MAPK4: variants seen among roughly 807,000 people sequenced by gnomAD.
The protein encoded by MAPK4 is mitogen-activated protein kinase 4.
Under a neutral mutation model 47.7 loss-of-function variants are expected in MAPK4, and 22 were observed. That is an observed-to-expected ratio of 0.46 (90% CI 0.33 to 0.66). MAPK4 has a LOEUF of 0.66. Ranked by LOEUF, MAPK4 falls within the 30% of genes least tolerant of loss-of-function variation. The pLI, the probability that MAPK4 is intolerant of heterozygous loss-of-function variation, is 0.02. For synonymous variants in MAPK4, 390 were observed against 365.7 expected, an observed-to-expected ratio of 1.07 and a Z score of -0.76; for missense variants, 736 against 831.7, an observed-to-expected ratio of 0.88 and a Z score of 1.42.
At chr18:50,603,043 A>G (rs926201807) in intron 1 of MAPK4, among the ~76,000 whole-genome samples, 7 of 152,110 alleles carry the variant, frequency 4.6e-5, no homozygotes, top group African/African-American at 1.4e-4. Flanking sequence ...ATTGTGTCTT[A>G]CCTCCTGGTA....
At chr18:50,661,896 T>C (rs1161367944) in intron 1 of MAPK4, among the ~76,000 whole-genome samples, 2 of 152,242 alleles carry the variant, frequency 1.3e-5, no homozygotes, top group Non-Finnish European at 2.9e-5. Flanking sequence ...AGGGAATGTT[T>C]AACTAAACAG....
chr18:50,578,264 T>C (rs1189145450), intron 1 of MAPK4, among the ~76,000 whole-genome samples: 3 of 152,240 alleles, frequency 2.0e-5, no homozygotes, highest in Non-Finnish European at 4.4e-5. Flanking sequence ...GCTCATTGAA[T>C]GGAATCTGAG....
chr18:50,688,959 G>A (rs1402881061), intron 2 of MAPK4, among the ~76,000 whole-genome samples: 4 of 150,144 alleles, frequency 2.7e-5, no homozygotes, highest in East Asian at 2.0e-4. Context: ...AAAGAGGCTC[G>A]CATAAAGCTA....
rs766321769 is a variant in MAPK4, at chr18:50,729,654, C to T, written c.1564C>T (p.Pro522Ser). The change falls in exon 6 of 6, where the codon CCC (proline) becomes TCC (serine). Residue 522 changes from proline to serine, a missense_variant. Pro to Ser is a moderately conservative substitution (Grantham distance 74). Around this residue, in one of 3 missense-constraint regions of MAPK4, gnomAD observed 377 missense variants for 378.6 expected, o/e 1.00. Transcript: ENST00000400384. ...CCCCGAGCGCCGCTTGTCTGCCTCGCCCCCCGGCCGCCCGGCCCCGGTGGA... is the reference window on the plus strand; with the variant it reads ...CCCCGAGCGCCGCTTGTCTGCCTCGTCCCCCGGCCGCCCGGCCCCGGTGGA... ...DDPERRLSAS[P>S]PGRPAPVDGG... The T allele has an allele frequency of 4.0e-6, 6 of 1,518,038 alleles. No homozygotes were observed. The African/African-American group carries it at 5.6e-5, about 14-fold the overall frequency. 94.0% of individuals were successfully genotyped at this position (1,518,038 alleles called of 1,614,324 possible).
intron 1 of MAPK4, among the ~76,000 whole-genome samples, chr18:50,578,838 A>C (rs2042319660): frequency 6.6e-6 from 1 of 152,176 alleles, no homozygotes; most frequent in South Asian, 2.1e-4. Flanking sequence ...AAACATGGGC[A>C]GGAGGGAGTG....
At chr18:50,684,985 C>T (rs1398250408) in intron 2 of MAPK4, among the ~76,000 whole-genome samples, 20 of 152,220 alleles carry the variant, frequency 1.3e-4, no homozygotes. Flanking sequence ...CTTCTCACCC[C>T]TTCTTGTTTT....
chr18:50,692,049 A>C (rs1036816372), intron 2 of MAPK4, among the ~76,000 whole-genome samples: 6 of 152,202 alleles, frequency 3.9e-5, no homozygotes, highest in African/African-American at 1.4e-4. Context: ...AATGTAACTC[A>C]GGGTCACATA....
chr18:50,729,140 C>A lies in MAPK4; in HGVS notation c.1068-18C>A. ...CTGGCTTGGGCATCCAATCACCGCT[C>A]TGTTTGTACCCTTGCAGGTACCCTG... On this transcript the variant is annotated intron_variant, in intron 5 of 5. Coordinates refer to ENST00000400384, the MANE Select transcript of MAPK4 (RefSeq NM_002747.4). 1 of 1,532,664 alleles carries A rather than the reference C, an allele frequency of 6.5e-7. No individual in the cohort carries two copies. 94.9% of individuals were successfully genotyped at this position (1,532,664 alleles called of 1,614,324 possible). A position where few individuals can be genotyped will look rare whatever the true frequency, so the allele number is the denominator to read the frequency against.
At chr18:50,657,688 T>C (rs1568066007) in intron 1 of MAPK4, among the ~76,000 whole-genome samples, 2 of 151,290 alleles carry the variant, frequency 1.3e-5, no homozygotes, top group Non-Finnish European at 2.9e-5. Context: ...TTGGAGACAC[T>C]TTCAGATGTC....
intron 1 of MAPK4, among the ~76,000 whole-genome samples, chr18:50,638,280 G>A (rs1490058354): frequency 1.3e-5 from 2 of 152,170 alleles, no homozygotes; most frequent in African/African-American, 4.8e-5. Context: ...TAACATTGGA[G>A]GCCTTGAAGT....
chr18:50,570,461 G>A (rs1226772419), intron 1 of MAPK4, among the ~76,000 whole-genome samples: 3 of 152,196 alleles, frequency 2.0e-5, no homozygotes, highest in Non-Finnish European at 4.4e-5. Context: ...GCAGGAAGAT[G>A]TTTTCTCTTT....
At chr18:50,727,927 G>C (rs1911292631) in intron 5 of MAPK4, among the ~76,000 whole-genome samples, 1 of 152,182 alleles carries the variant, frequency 6.6e-6, no homozygotes, top group South Asian at 2.1e-4. Flanking sequence ...GCAGCCAAGG[G>C]TCAGCGTCTT....
chr18:50,729,861 A>AG lies in MAPK4; in HGVS notation c.*11dup, dbSNP rs765896526. ...CTCCAAAGAAAGGTGGTGAGGGCGGAGGGGCCGCTCCAGGCCCCACAGAGC... is the reference window on the plus strand; with the variant it reads ...CTCCAAAGAAAGGTGGTGAGGGCGGAGGGGGCCGCTCCAGGCCCCACAGAGC... On this transcript the variant is annotated 3_prime_UTR_variant, in exon 6 of 6. Transcript: ENST00000400384. 6.2e-7 allele frequency: 1 copy of AG among 1,601,960 alleles called. No individual in the cohort carries two copies. The highest frequency in any genetic ancestry group is 8.5e-7 in the Non-Finnish European group (1 of 1,173,706).
intron 1 of MAPK4, among the ~76,000 whole-genome samples, chr18:50,649,368 A>C (rs1598865852): frequency 6.6e-6 from 1 of 152,334 alleles, no homozygotes; most frequent in Admixed American, 6.5e-5. Flanking sequence ...GCAATATAAA[A>C]AGGCCTAGTT....
chr18:50,563,804 G>T (rs1464673194), intron 1 of MAPK4, among the ~76,000 whole-genome samples: 1 of 152,116 alleles, frequency 6.6e-6, no homozygotes. Flanking sequence ...ATTTTCAGCT[G>T]TTGAGAGCCT....
chr18:50,677,697 C>T (rs1265320247), intron 2 of MAPK4, among the ~76,000 whole-genome samples: 2 of 152,162 alleles, frequency 1.3e-5, no homozygotes, highest in African/African-American at 4.8e-5. Flanking sequence ...TAGGCACATG[C>T]CACCATACCT....
chr18:50,659,666 G>T (rs2043148794), intron 1 of MAPK4, among the ~76,000 whole-genome samples: 1 of 152,214 alleles, frequency 6.6e-6, no homozygotes, highest in Non-Finnish European at 1.5e-5. Flanking sequence ...AAACTCCATT[G>T]TTCAGAGTCC....
At chr18:50,671,910 C>A (rs974408103) in intron 2 of MAPK4, among the ~76,000 whole-genome samples, 3 of 146,878 alleles carry the variant, frequency 2.0e-5, no homozygotes, top group Non-Finnish European at 4.5e-5. Context: ...AAAAAAAAAT[C>A]ATGTTGATCA....
At chr18:50,616,730 G>A (rs1435279231) in intron 1 of MAPK4, among the ~76,000 whole-genome samples, 1 of 152,188 alleles carries the variant, frequency 6.6e-6, no homozygotes, top group African/African-American at 2.4e-5. Context: ...ATGTTCAAGG[G>A]CAGGAAGCAT....
Sources: gnomAD v4.1 joint callset for allele counts (sites outside exome capture counted in the v4.1 genomes callset) on GRCh38, gnomAD v4.1.1 for gene constraint, gnomAD v4.1.1 regional missense constraint, MANE v1.5 for transcripts, NCBI Gene and HGNC (gene_info 2026-07-23, HGNC 2026-07-21) for gene names.